The following FKBP15 variants were observed in gnomAD, a reference collection of about 807,000 sequenced individuals.
The protein encoded by FKBP15 is FK506-binding protein 15.
FKBP15 carries 106 observed loss-of-function variants against 158.1 expected under a neutral mutation model. The ratio of observed to expected loss-of-function variants is 0.67; its 90% CI spans 0.57 to 0.79. The LOEUF is 0.79. Among genes scored for constraint, FKBP15 ranks in the 30% least tolerant of loss-of-function variants. The pLI is 0.00. For missense variants in FKBP15, 1,287 were observed against 1,479.1 expected, an observed-to-expected ratio of 0.87 and a Z score of 2.13; for synonymous variants, 547 against 548.6, an observed-to-expected ratio of 1.00 and a Z score of 0.04.
chr9:113,199,746 A>G (rs1351076945), intron 7 of FKBP15, 68 bp downstream of exon 7: 16 of 1,483,474 alleles, frequency 1.1e-5, no homozygotes, highest in Non-Finnish European at 1.5e-5. Context: ...CAGTAATAGT[A>G]TCTTCCCTGG....
At chr9:113,196,848 T>C in intron 9 of FKBP15, 84 bp downstream of exon 9, 1 of 1,490,960 alleles carries the variant, frequency 6.7e-7, no homozygotes, top group Non-Finnish European at 9.0e-7. Flanking sequence ...TTTTCAAGTA[T>C]CTTCATTTAT....
chr9:113,192,536 C>T (rs769174138), intron 11 of FKBP15, among the ~76,000 whole-genome samples: 41 of 152,178 alleles, frequency 2.7e-4, no homozygotes, highest in Non-Finnish European at 5.4e-4. Context: ...CTGGCACTCT[C>T]GTCTTACAAC....
In FKBP15 at chr9:113,184,744, C is replaced by A; in HGVS notation, c.1559G>T (p.Arg520Leu). Residue 520 changes from arginine (R) to leucine (L), a missense_variant, in exon 16 of 28, where the codon CGA (arginine) becomes CTA (leucine). Transcript: ENST00000238256. This position sits in a 1 kb window ranked among gnomAD's most constrained non-coding sequence, Gnocchi z 4.5. ...ATCAGCCACTTTGCTGACTGCCATT[C>A]GAATTTCAGTGTTATGTTGCCGGGC... Reference protein sequence around the residue: ...TEARQHNTEIRMAVSKVADKM... With the variant: ...TEARQHNTEILMAVSKVADKM... 6.2e-7 allele frequency: 1 copy of A among 1,609,212 alleles called. No homozygotes were observed.
chr9:113,181,197 T>C (rs1163369986), intron 19 of FKBP15, among the ~76,000 whole-genome samples: 1 of 152,332 alleles, frequency 6.6e-6, no homozygotes, highest in African/African-American at 2.4e-5. Context: ...TTATTACTTC[T>C]ACTGTTTTGC....
chr9:113,194,004 T>G (rs1285620362), intron 10 of FKBP15, 23 bp downstream of exon 10: 1 of 1,584,392 alleles, frequency 6.3e-7, no homozygotes, highest in African/African-American at 1.4e-5. Flanking sequence ...ATAAAAGAGC[T>G]TGATACAACT....
At chr9:113,181,774 AGAAAT>A (rs1215899413) in intron 19 of FKBP15, among the ~76,000 whole-genome samples, 8 of 152,224 alleles carry the variant, frequency 5.3e-5, no homozygotes, top group Non-Finnish European at 1.2e-4. Flanking sequence ...AAGGAAGAGA[AGAAAT>A]AAAAGTAGAG....
At chr9:113,207,520 A>G (rs1045363637) in intron 2 of FKBP15, among the ~76,000 whole-genome samples, 2 of 151,530 alleles carry the variant, frequency 1.3e-5, no homozygotes, top group African/African-American at 2.4e-5. Flanking sequence ...TTGTATTTTT[A>G]GTAGAGATGG....
Position 113,198,996 on chromosome 9 carries a change from C to T in FKBP15, c.649-73G>A. 1 of 983,696 alleles carries T rather than the reference C, an allele frequency of 1.0e-6. No individual in the cohort carries two copies. The highest frequency in any genetic ancestry group is 2.0e-5 in the Admixed American group (1 of 49,428). The allele number at this position is 983,696 out of a possible 1,614,324, so 60.9% of individuals were successfully genotyped here. ...AATAACCATTATGATATTCAACTAACTACATACCAGCACACTACTTCTGGA... is the reference window on the plus strand; with the variant it reads ...AATAACCATTATGATATTCAACTAATTACATACCAGCACACTACTTCTGGA... On this transcript the variant is annotated intron_variant, in intron 7 of 27. Coordinates refer to ENST00000238256, the MANE Select transcript of FKBP15 (RefSeq NM_015258.2). The surrounding 1 kb of genome is among the most constrained non-coding windows in gnomAD (Gnocchi z 5.2).
chr9:113,202,691 G>A, intron 5 of FKBP15, 62 bp from the exon 6 acceptor site: 1 of 1,327,722 alleles, frequency 7.5e-7, no homozygotes, highest in Non-Finnish European at 1.1e-6. Flanking sequence ...AAACATGACG[G>A]CCTAAGCTCA....
intron 1 of FKBP15, among the ~76,000 whole-genome samples, chr9:113,217,531 A>G (rs1312383969): frequency 6.6e-6 from 1 of 152,112 alleles, no homozygotes; most frequent in African/African-American, 2.4e-5. Flanking sequence ...TAATATCTTT[A>G]ATGGACTCTG....
Position 113,182,692 on chromosome 9 carries a change from G to T in FKBP15, c.1914+74C>A. ...AAAAATTCTGTTGGAAAGCCGACTGGTGAGTATGTACATGGGACCATTCCT... is the reference window on the plus strand; with the variant it reads ...AAAAATTCTGTTGGAAAGCCGACTGTTGAGTATGTACATGGGACCATTCCT... On this transcript the variant is annotated intron_variant, in intron 19 of 27. Coordinates refer to ENST00000238256, the MANE Select transcript of FKBP15 (RefSeq NM_015258.2). 3 of 1,180,012 alleles carry T rather than the reference G, an allele frequency of 2.5e-6. No homozygotes were observed. In the South Asian group the frequency reaches 3.8e-5, roughly 15 times the overall value. 73.1% of individuals were successfully genotyped at this position (1,180,012 alleles called of 1,614,324 possible). A position where few individuals can be genotyped will look rare whatever the true frequency, so the allele number is the denominator to read the frequency against.
At position 113,167,291 on chromosome 9, in the gene FKBP15, C is replaced by T. The variant is rs140893064; in HGVS notation, c.3583-1136G>A. Among the ~76,000 whole-genome samples, 63 of 152,288 alleles carry T rather than the reference C, an allele frequency of 4.1e-4. No homozygotes were observed. In the East Asian group the frequency reaches 8.9e-3, roughly 21 times the overall value. ...GATTAAATGACAACATCTGTGAAGT[C>T]GTTTTCAGAGTACCCAAGAACTACA... On this transcript the variant is annotated intron_variant, in intron 27 of 27. Transcript: ENST00000238256.
In FKBP15 at chr9:113,187,872, T is replaced by C. The variant is rs1830511377; in HGVS notation, c.1304A>G (p.Gln435Arg). The C allele has an allele frequency of 6.2e-7, 1 of 1,613,938 alleles. No individual in the cohort carries two copies. Among genetic ancestry groups the C allele is most frequent in the Non-Finnish European group, 8.5e-7 (1 of 1,179,844 alleles). ...QAPQPSVTGL[Q>R]APSAALMQVS... is the part of the protein sequence containing the mutation. ...TTGCATTAAGGCAGCAGAAGGTGCC[T>C]GGAGCCCAGTAACAGATGGCTGAGG... Residue 435 changes from glutamine (Q) to arginine (R), a missense_variant, in exon 14 of 28, where the codon CAG (glutamine) becomes CGG (arginine). Physicochemically the swap from Gln to Arg is conservative, Grantham distance 43 (BLOSUM62 1). Coordinates refer to ENST00000238256, the MANE Select transcript of FKBP15 (RefSeq NM_015258.2).
rs560354973 is a variant in FKBP15, at chr9:113,203,928, T to G, written c.325-893A>C. ...TATCTATAAGAGTAAGCCTTGATAC[T>G]TCATGTTCCAGGACTTTATTCTCTT... On this transcript the variant is annotated intron_variant, in intron 4 of 27. Transcript: ENST00000238256. Among the ~76,000 whole-genome samples, 4 of 152,358 alleles carry G rather than the reference T, an allele frequency of 2.6e-5. No homozygotes were observed. In the South Asian group the frequency reaches 8.3e-4, roughly 32 times the overall value.
At position 113,198,882 on chromosome 9, in the gene FKBP15, C is replaced by T. The variant is rs755762197; in HGVS notation, c.690G>A (p.Leu230=). The change falls in exon 8 of 28, where the codon TTG becomes TTA. Residue 230 remains leucine, a synonymous_variant. Coordinates refer to ENST00000238256, the MANE Select transcript of FKBP15 (RefSeq NM_015258.2). This position sits in a 1 kb window ranked among gnomAD's most constrained non-coding sequence, Gnocchi z 5.2. ...TGATGACTTTTCCTGATCCTAACTT[C>T]AAGCGAAGCAACTTATCTTTGTTAG... ...STANKDKLLR[L]KLGSGKVIKG... is the part of the protein sequence containing the mutation. The T allele has an allele frequency of 1.9e-6, 3 of 1,605,606 alleles. No homozygotes were observed. In the East Asian group the frequency reaches 6.7e-5, roughly 36 times the overall value.
rs901925496 is a variant in FKBP15 at position 113,164,747 on chromosome 9, T to C, written c.*1331A>G. ...TTCTTGTGCTGAGGCTTCCTAGATA[T>C]GTAACTTTGGGCAAATTACTTTACC... On this transcript the variant is annotated 3_prime_UTR_variant, in exon 28 of 28. Transcript: ENST00000238256. The C allele has an allele frequency of 2.0e-5, 3 of 152,386 alleles. No individual in the cohort carries two copies. The highest frequency in any genetic ancestry group is 4.8e-5 in the African/African-American group (2 of 41,582). The allele number at this position is 152,386 out of a possible 1,614,324, so 9.4% of individuals were successfully genotyped here.
chr9:113,172,826 G>A (rs1009200480), intron 23 of FKBP15, among the ~76,000 whole-genome samples: 3 of 152,172 alleles, frequency 2.0e-5, no homozygotes, highest in African/African-American at 7.2e-5. Flanking sequence ...ACACTTTAAG[G>A]AAAGAAACTG....
intron 9 of FKBP15, among the ~76,000 whole-genome samples, chr9:113,196,529 G>A (rs184867172): frequency 6.6e-4 from 101 of 152,016 alleles, no homozygotes; most frequent in South Asian, 6.0e-3. Flanking sequence ...GACTACAGGC[G>A]CATGCCACCA....
chr9:113,200,337 T>A (rs968175644), intron 6 of FKBP15, among the ~76,000 whole-genome samples: 16 of 152,310 alleles, frequency 1.1e-4, no homozygotes, highest in Admixed American at 9.1e-4. Context: ...AAGTACTTAA[T>A]AAACATTAGC....
Sources: allele counts gnomAD v4.1 joint callset (sites outside exome capture counted in the v4.1 genomes callset), GRCh38; gene constraint gnomAD v4.1.1; non-coding constraint Gnocchi (gnomAD v3.1); transcripts MANE v1.5; gene names NCBI Gene and HGNC (gene_info 2026-07-23, HGNC 2026-07-21).